Variants in NT5DC1 observed in about 807,000 individuals in gnomAD.
The protein encoded by NT5DC1 is 5'-nucleotidase domain-containing protein 1.
Under a neutral mutation model 59.4 loss-of-function variants are expected in NT5DC1, and 42 were observed. The ratio of observed to expected loss-of-function variants is 0.71; its 90% CI spans 0.55 to 0.92. The LOEUF (loss-of-function observed/expected upper bound fraction) is 0.92, where lower values mean the gene tolerates loss of function less well. Ranked by LOEUF, NT5DC1 falls within the 40% of genes least tolerant of loss-of-function variation. NT5DC1 has a pLI of 0.00. For missense variants in NT5DC1, 501 were observed against 537.1 expected, an observed-to-expected ratio of 0.93 and a Z score of 0.66; for synonymous variants, 172 against 188.1, an observed-to-expected ratio of 0.91 and a Z score of 0.70.
intron 6 of NT5DC1, among the ~76,000 whole-genome samples, chr6:116,157,733 G>C (rs933910150): frequency 2.6e-5 from 4 of 152,154 alleles, no homozygotes; most frequent in African/African-American, 9.7e-5. Flanking sequence ...GAAATGGTGA[G>C]AGTGGGTGGA....
intron 6 of NT5DC1, among the ~76,000 whole-genome samples, chr6:116,123,338 A>G (rs1779192347): frequency 6.6e-6 from 1 of 152,216 alleles, no homozygotes; most frequent in Non-Finnish European, 1.5e-5. Flanking sequence ...TTTGGCTTCT[A>G]TTGAATGCTT....
intron 6 of NT5DC1, among the ~76,000 whole-genome samples, chr6:116,188,513 A>G (rs75081751): frequency 0.016 from 2,457 of 152,122 alleles, 26 homozygotes; most frequent in Non-Finnish European, 0.025. Flanking sequence ...ACAGAAAATG[A>G]GAGAGAAAAA....
intron 6 of NT5DC1, among the ~76,000 whole-genome samples, chr6:116,211,559 T>A (rs1781577988): frequency 6.6e-6 from 1 of 152,078 alleles, no homozygotes. Context: ...AACCTACAAA[T>A]TAATTTAACT....
chr6:116,125,277 A>G, intron 6 of NT5DC1: 1 of 1,566,170 alleles, frequency 6.4e-7, no homozygotes, highest in South Asian at 1.2e-5. Flanking sequence ...TAAAGAGATT[A>G]TTAAGATTAT....
intron 1 of NT5DC1, among the ~76,000 whole-genome samples, chr6:116,104,884 G>A (rs1778740169): frequency 6.6e-6 from 1 of 152,030 alleles, no homozygotes. Flanking sequence ...AAACATGCAG[G>A]TCAGTGATTT....
intron 6 of NT5DC1, among the ~76,000 whole-genome samples, chr6:116,219,932 C>T (rs1298090205): frequency 1.5e-5 from 2 of 136,238 alleles, no homozygotes; most frequent in African/African-American, 5.5e-5. Context: ...CACTGCACTC[C>T]AGCTTGGTGA....
intron 7 of NT5DC1, among the ~76,000 whole-genome samples, chr6:116,222,698 A>C (rs144947746): frequency 6.6e-6 from 1 of 152,172 alleles, no homozygotes; most frequent in Non-Finnish European, 1.5e-5. Context: ...CAGGCCCCCA[A>C]ATTTGAAGAT....
chr6:116,163,422 A>G (rs1398913970), intron 6 of NT5DC1, among the ~76,000 whole-genome samples: 1 of 151,920 alleles, frequency 6.6e-6, no homozygotes, highest in African/African-American at 2.4e-5. Context: ...AGATGTTCAT[A>G]GTAGTTTCTG....
intron 8 of NT5DC1, among the ~76,000 whole-genome samples, chr6:116,227,868 C>G (rs1452371744): frequency 6.6e-6 from 1 of 152,116 alleles, no homozygotes; most frequent in Non-Finnish European, 1.5e-5. Flanking sequence ...AACCCCTTAT[C>G]AGATGTATGG....
At chr6:116,126,704 A>G (rs1236552263) in intron 6 of NT5DC1, among the ~76,000 whole-genome samples, 1 of 152,066 alleles carries the variant, frequency 6.6e-6, no homozygotes, top group Non-Finnish European at 1.5e-5. Flanking sequence ...ATGACTTCAG[A>G]TTTTCTTGCT....
chr6:116,237,062 T>A lies in NT5DC1; in HGVS notation c.899T>A (p.Met300Lys). The A allele has an allele frequency of 6.2e-7, 1 of 1,610,888 alleles. No homozygotes were observed. Among genetic ancestry groups the A allele is most frequent in the Non-Finnish European group, 8.5e-7 (1 of 1,177,130 alleles). The change falls in exon 9 of 12, where the codon ATG (methionine) becomes AAG (lysine). Residue 300 changes from methionine to lysine, a missense_variant. Physicochemically the swap from Met to Lys is moderately conservative, Grantham distance 95 (BLOSUM62 -1). Coordinates refer to ENST00000319550, the MANE Select transcript of NT5DC1 (RefSeq NM_152729.3). ...AVHLYELLKK[M>K]TGKPEPKVVY... ...CACCTCTATGAACTTCTGAAGAAAA[T>A]GACTGGCAAACCTGAACCCAAGGTA...
intron 6 of NT5DC1, among the ~76,000 whole-genome samples, chr6:116,142,284 C>CT (rs573786007): frequency 0.02 from 2,905 of 147,858 alleles, 105 homozygotes; most frequent in African/African-American, 0.066. Context: ...TCTATTTTTG[C>CT]TTTTTTTTTC....
chr6:116,144,308 C>T (rs976157015), intron 6 of NT5DC1, among the ~76,000 whole-genome samples: 1 of 152,102 alleles, frequency 6.6e-6, no homozygotes, highest in African/African-American at 2.4e-5. Flanking sequence ...CAAGACCATC[C>T]TGGCCAACAT....
rs189879417 is a variant in NT5DC1, at chr6:116,135,903, A to G, written c.529+17958A>G. On this transcript the variant is annotated intron_variant, in intron 6 of 11. Transcript: ENST00000319550. ...CATACACACACATTGCTAAATGGTT[A>G]CCACAATCAAGCTAATTAACATATC... 5.4e-5 allele frequency among the ~76,000 whole-genome samples: 8 copies of G among 147,410 alleles called. No homozygotes were observed. In the East Asian group the frequency reaches 1.6e-3, roughly 30 times the overall value.
chr6:116,128,957 A>C (rs1779393548), intron 6 of NT5DC1, among the ~76,000 whole-genome samples: 1 of 152,114 alleles, frequency 6.6e-6, no homozygotes, highest in Non-Finnish European at 1.5e-5. Context: ...TAGTAGTGAG[A>C]ATAGTTACAA....
intron 1 of NT5DC1, among the ~76,000 whole-genome samples, chr6:116,102,306 C>G (rs1182389491): frequency 6.6e-6 from 1 of 152,202 alleles, no homozygotes; most frequent in African/African-American, 2.4e-5. Flanking sequence ...TTTCTATGCC[C>G]AGATGCTAAA....
At chr6:116,123,241 TC>T (rs1304155845) in intron 6 of NT5DC1, among the ~76,000 whole-genome samples, 1 of 152,226 alleles carries the variant, frequency 6.6e-6, no homozygotes, top group Admixed American at 6.5e-5. Flanking sequence ...TTGGGCGTCA[TC>T]CGAGACTGGA....
At chr6:116,149,852 A>G (rs1386344416) in intron 6 of NT5DC1, among the ~76,000 whole-genome samples, 2 of 152,222 alleles carry the variant, frequency 1.3e-5, no homozygotes, top group Non-Finnish European at 2.9e-5. Flanking sequence ...AAATTGAGAT[A>G]AGGAATTTGA....
intron 6 of NT5DC1, among the ~76,000 whole-genome samples, chr6:116,179,903 A>G (rs1484836783): frequency 6.6e-6 from 1 of 152,148 alleles, no homozygotes; most frequent in Non-Finnish European, 1.5e-5. Context: ...TTTGTTAGCC[A>G]GTGATCCCTC....
Sources: allele counts gnomAD v4.1 joint callset (sites outside exome capture counted in the v4.1 genomes callset), GRCh38; gene constraint gnomAD v4.1.1; transcripts MANE v1.5; gene names NCBI Gene and HGNC (gene_info 2026-07-23, HGNC 2026-07-21).